SLC44A5: variants seen among roughly 807,000 people sequenced by gnomAD.
The protein encoded by SLC44A5 is solute carrier family 44 member 5.
Under a neutral mutation model 101.8 loss-of-function variants are expected in SLC44A5, and 57 were observed. The observed-to-expected ratio is 0.56, with a 90% CI of 0.45 to 0.70. The LOEUF (loss-of-function observed/expected upper bound fraction) is 0.70. Among genes scored for constraint, SLC44A5 ranks in the 30% least tolerant of loss-of-function variants. SLC44A5 has a pLI of 0.00. For synonymous variants in SLC44A5, 281 were observed against 290.9 expected (o/e 0.97, Z 0.35); for missense variants, 737 against 853.1 (o/e 0.86, Z 1.70).
At chr1:75,396,647 A>G in intron 2 of SLC44A5, 26 bp from the exon 3 acceptor site, 1 of 1,601,390 alleles carries the variant, frequency 6.2e-7, no homozygotes, top group Non-Finnish European at 8.6e-7. Flanking sequence ...AAAGGCAAAA[A>G]AAATATTTGT....
At chr1:75,387,064 A>G (rs1661411044) in intron 3 of SLC44A5, among the ~76,000 whole-genome samples, 1 of 151,846 alleles carries the variant, frequency 6.6e-6, no homozygotes, top group Non-Finnish European at 1.5e-5. Flanking sequence ...TCAATTCAAG[A>G]TGGATTAAAG....
intron 1 of SLC44A5, among the ~76,000 whole-genome samples, chr1:75,561,054 C>T (rs1470754042): frequency 6.6e-6 from 1 of 152,148 alleles, no homozygotes; most frequent in Non-Finnish European, 1.5e-5. Context: ...TAATTCAACA[C>T]TTTGCCAGCT....
At chr1:75,222,837 T>C (rs571929361) in intron 13 of SLC44A5, among the ~76,000 whole-genome samples, 1 of 152,300 alleles carries the variant, frequency 6.6e-6, no homozygotes, top group South Asian at 2.1e-4. Context: ...GAAGACACGT[T>C]TTGAGCTGTT....
Position 75,556,887 on chromosome 1 carries a change from C to T in SLC44A5, c.-69-15371G>A, listed in dbSNP as rs528807461. Among the ~76,000 whole-genome samples, 11 of 151,998 alleles carry T rather than the reference C, an allele frequency of 7.2e-5. No homozygotes were observed. In the South Asian group the frequency reaches 1.7e-3, roughly 23 times the overall value. On this transcript the variant is annotated intron_variant, in intron 1 of 23. Coordinates refer to ENST00000370859, the MANE Select transcript of SLC44A5 (RefSeq NM_001130058.2). The stretch of plus-strand genomic sequence containing the variant: ...TCCAGGTAAAATAAATAAAGAAAGA[C>T]GGGTGATGAGTACACTAATAGCCAA...
At chr1:75,212,314 A>T (rs1171198440) in intron 22 of SLC44A5, among the ~76,000 whole-genome samples, 4 of 152,038 alleles carry the variant, frequency 2.6e-5, no homozygotes, top group Non-Finnish European at 5.9e-5. Flanking sequence ...AGTATCCAAT[A>T]GGTAGTTTTT....
chr1:75,709,309 T>G, the SLC44A5 span, among the ~76,000 whole-genome samples: 1 of 152,228 alleles, frequency 6.6e-6, no homozygotes, highest in African/African-American at 2.4e-5. Flanking sequence ...CTATTTTAAT[T>G]TTTTGAAAAG....
the SLC44A5 span, among the ~76,000 whole-genome samples, chr1:75,691,072 C>G: frequency 6.6e-6 from 1 of 152,084 alleles, no homozygotes; most frequent in Non-Finnish European, 1.5e-5. Context: ...GCACCCCCCC[C>G]TTTCTTGAGT....
At chr1:75,613,129 G>A (rs993374584), upstream of SLC44A5, among the ~76,000 whole-genome samples, 1 of 152,210 alleles carries the variant, frequency 6.6e-6, no homozygotes, top group Non-Finnish European at 1.5e-5. Flanking sequence ...TGAGCAACTT[G>A]CCTGTCACAA....
At chr1:75,424,411 T>C (rs1664187425) in intron 2 of SLC44A5, among the ~76,000 whole-genome samples, 1 of 152,134 alleles carries the variant, frequency 6.6e-6, no homozygotes, top group Non-Finnish European at 1.5e-5. Flanking sequence ...GTTCAAGCAA[T>C]TCTCCAGCCT....
intron 4 of SLC44A5, among the ~76,000 whole-genome samples, chr1:75,336,763 C>A (rs778789328): frequency 2.0e-4 from 30 of 151,818 alleles, no homozygotes; most frequent in Admixed American, 4.6e-4. Flanking sequence ...AAATCTTTGA[C>A]CTCCCTTGAC....
chr1:75,529,461 CA>C (rs1278928799), intron 2 of SLC44A5, among the ~76,000 whole-genome samples: 6 of 152,270 alleles, frequency 3.9e-5, no homozygotes, highest in African/African-American at 1.2e-4. Context: ...ATTTAGCCAC[CA>C]AAACCTTCCA....
At chr1:75,609,620 G>T (rs1037620984) in intron 1 of SLC44A5, among the ~76,000 whole-genome samples, 1 of 151,954 alleles carries the variant, frequency 6.6e-6, no homozygotes, top group African/African-American at 2.4e-5. Flanking sequence ...AACTAGAGGA[G>T]CCAGGAATCA....
chr1:75,219,386 T>G (rs1647030454), intron 15 of SLC44A5, 42 bp from the exon 16 acceptor site: 2 of 1,302,546 alleles, frequency 1.5e-6, no homozygotes. Flanking sequence ...GCTGGTAGAT[T>G]GAAAATAAAT....
At chr1:75,612,227 T>C (rs1297646460), upstream of SLC44A5, among the ~76,000 whole-genome samples, 1 of 152,144 alleles carries the variant, frequency 6.6e-6, no homozygotes, top group East Asian at 1.9e-4. Flanking sequence ...GTAGGAATGC[T>C]CCTCTCCCTG....
At chr1:75,481,488 T>C (rs967225256) in intron 2 of SLC44A5, among the ~76,000 whole-genome samples, 1 of 151,426 alleles carries the variant, frequency 6.6e-6, no homozygotes, top group African/African-American at 2.4e-5. Flanking sequence ...TGGGAGAAAA[T>C]TTTCACAACC....
At chr1:75,246,615 G>A (rs902298360) in intron 7 of SLC44A5, among the ~76,000 whole-genome samples, 1 of 152,082 alleles carries the variant, frequency 6.6e-6, no homozygotes, top group African/African-American at 2.4e-5. Context: ...AAATAAGATG[G>A]TATAAGATGA....
At chr1:75,414,385 G>A (rs1415500066) in intron 2 of SLC44A5, among the ~76,000 whole-genome samples, 1 of 151,530 alleles carries the variant, frequency 6.6e-6, no homozygotes, top group Non-Finnish European at 1.5e-5. Context: ...TGAAGAGAGA[G>A]ATGCACCAGC....
intron 3 of SLC44A5, chr1:75,354,120 C>T (rs942511481): frequency 7.7e-6 from 2 of 259,118 alleles, no homozygotes; most frequent in East Asian, 2.2e-4. Flanking sequence ...AGAACATATA[C>T]AGGTTATATG....
Position 75,211,477 on chromosome 1 carries a change from T to A in SLC44A5, c.2038A>T (p.Ile680Phe). 6.2e-7 allele frequency: 1 copy of A among 1,611,894 alleles called. No individual in the cohort carries two copies. Among genetic ancestry groups the A allele is most frequent in the Non-Finnish European group, 8.5e-7 (1 of 1,178,522 alleles). ...VYAMCVETIFICFLEDLERND... is the reference protein window; with the variant it reads ...VYAMCVETIFFCFLEDLERND... ...CATACTGAATACTCACAGAAGCAGA[T>A]GAAAATTGTTTCAACACACATTGCA... is the stretch of plus-strand genomic sequence containing the variant. Residue 680 changes from isoleucine to phenylalanine, a missense_variant, in exon 23 of 24, where the codon ATC (isoleucine) becomes TTC (phenylalanine). Ile to Phe is a conservative substitution (Grantham distance 21). Transcript: ENST00000370859.
Sources: gnomAD v4.1 joint callset for allele counts (sites outside exome capture counted in the v4.1 genomes callset) on GRCh38, gnomAD v4.1.1 for gene constraint, MANE v1.5 for transcripts, NCBI Gene and HGNC (gene_info 2026-07-23, HGNC 2026-07-21) for gene names.